Variants in PPM1A observed in about 807,000 individuals in gnomAD.
PPM1A encodes protein phosphatase, Mg2+/Mn2+ dependent 1A, also known as protein phosphatase 1A.
A neutral mutation model predicts 35.0 loss-of-function variants in PPM1A; 7 were observed. That is an observed-to-expected ratio of 0.20 (90% CI 0.11 to 0.38). The LOEUF is 0.38. PPM1A is among the 10% of genes least tolerant of loss of function. The pLI is 1.00. For missense variants in PPM1A, 239 were observed against 467.8 expected, an observed-to-expected ratio of 0.51 and a Z score of 4.51; for synonymous variants, 153 against 167.3, an observed-to-expected ratio of 0.91 and a Z score of 0.66.
chr14:60,286,321 C>T (rs1277058139), intron 3 of PPM1A: 9 of 985,648 alleles, frequency 9.1e-6, no homozygotes, highest in Non-Finnish European at 9.6e-6. Context: ...ATTTCTCCAC[C>T]TGGCAGAAAA....
Position 60,262,471 on chromosome 14 carries a change from C to T in PPM1A, c.-21+12794C>T, listed in dbSNP as rs1033091568. ...AGCCGAGGCGGGAGGATTGCTGAAG[C>T]CCTGGAGTTTGAGACCAGCCAGGGC... is the stretch of plus-strand genomic sequence containing the variant. On this transcript the variant is annotated intron_variant, in intron 1 of 5. Transcript: ENST00000395076. Among the ~76,000 whole-genome samples, 3 of 152,104 alleles carry T rather than the reference C, an allele frequency of 2.0e-5. No individual in the cohort carries two copies. The East Asian group carries it at 5.8e-4, about 29-fold the overall frequency.
intron 2 of PPM1A, among the ~76,000 whole-genome samples, chr14:60,284,189 C>G (rs1210297331): frequency 1.3e-5 from 2 of 152,284 alleles, no homozygotes; most frequent in African/African-American, 4.8e-5. Flanking sequence ...AGCTCAGCCC[C>G]TTTATTTTAC....
chr14:60,273,528 A>G lies in PPM1A; in HGVS notation c.-20-9156A>G, dbSNP rs890154796. 1.3e-5 allele frequency among the ~76,000 whole-genome samples: 2 copies of G among 152,000 alleles called. No individual in the cohort carries two copies. The highest frequency in any genetic ancestry group is 6.6e-5 in the Admixed American group (1 of 15,244). ...AGCCATATTAAGCAGTTATTTATCC[A>G]CCTCCTACCCCCAGCAGTGGAAAGC... On this transcript the variant is annotated intron_variant, in intron 1 of 5. Transcript: ENST00000395076. This position sits in a 1 kb window ranked among gnomAD's most constrained non-coding sequence, Gnocchi z 4.3.
chr14:60,279,908 TTGAG>T (rs757716793), intron 1 of PPM1A, among the ~76,000 whole-genome samples: 13 of 152,286 alleles, frequency 8.5e-5, no homozygotes, highest in African/African-American at 1.4e-4. Flanking sequence ...CTATATTATA[TTGAG>T]TATTTATAAT....
Position 60,288,814 on chromosome 14 carries a change from C to A in PPM1A, c.953-992C>A, listed in dbSNP as rs188352034. On this transcript the variant is annotated intron_variant, in intron 3 of 5. Coordinates refer to ENST00000395076, the MANE Select transcript of PPM1A (RefSeq NM_021003.5). The stretch of plus-strand genomic sequence containing the variant: ...GCCCCACTAATGACAAATAAAATAC[C>A]ATTTCTTACCATAAACATTGAAAAA... Among the ~76,000 whole-genome samples, 656 of 152,020 alleles carry A rather than the reference C, an allele frequency of 4.3e-3. 5 individuals are homozygous for A. Among genetic ancestry groups the A allele is most frequent in the African/African-American group, 0.015 (626 of 41,492 alleles).
upstream of PPM1A, chr14:60,249,113 T>TGCGCGCCGCGCCGCAGCTGTAGCG (rs1881998362): frequency 3.4e-6 from 2 of 592,818 alleles, no homozygotes. The surrounding 1 kb of genome is among the most constrained non-coding windows in gnomAD (Gnocchi z 4.5). Context: ...TCTCTGTAGC[T>TGCGCGCCGCGCCGCAGCTGTAGCG]GCGCGCCGCG....
Position 60,295,764 on chromosome 14 carries a change from T to C in PPM1A, c.*3282T>C, listed in dbSNP as rs1483490841. 6.6e-6 allele frequency: 1 copy of C among 151,572 alleles called. No individual in the cohort carries two copies. The highest frequency in any genetic ancestry group is 1.5e-5 in the Non-Finnish European group (1 of 67,638). The allele number at this position is 151,572 out of a possible 1,614,324, so 9.4% of individuals were successfully genotyped here. On this transcript the variant is annotated 3_prime_UTR_variant, in exon 6 of 6. Transcript: ENST00000395076. The stretch of plus-strand genomic sequence containing the variant: ...TAACTGGATCACTCATCAAAAAATA[T>C]ATATATATATCTATTGCCCACCTGC...
upstream of PPM1A, among the ~76,000 whole-genome samples, chr14:60,247,461 G>C (rs923375964): frequency 1.2e-4 from 18 of 151,572 alleles, 1 homozygote; most frequent in African/African-American, 4.1e-4. Flanking sequence ...AACCCTGTCT[G>C]AACTAAAAAT....
At chr14:60,288,556 T>C in intron 3 of PPM1A, 3 of 981,472 alleles carry the variant, frequency 3.1e-6, no homozygotes, top group Non-Finnish European at 3.6e-6. Context: ...GCAAACCAAA[T>C]CTGAGATCCT....
Position 60,292,426 on chromosome 14 carries a change from T to C in PPM1A, c.1120-27T>C. ...TTGGCACCGCTAAATTTTAACGTTG[T>C]TCCTTATTTTGCTTCCTTTTACAAA... On this transcript the variant is annotated intron_variant, in intron 5 of 5. Coordinates refer to ENST00000395076, the MANE Select transcript of PPM1A (RefSeq NM_021003.5). This position sits in a 1 kb window ranked among gnomAD's most constrained non-coding sequence, Gnocchi z 4.2. 6.4e-7 allele frequency: 1 copy of C among 1,569,380 alleles called. No individual in the cohort carries two copies. The highest frequency in any genetic ancestry group is 8.8e-7 in the Non-Finnish European group (1 of 1,140,864).
intron 1 of PPM1A, among the ~76,000 whole-genome samples, chr14:60,260,522 T>C (rs956594183): frequency 6.6e-6 from 1 of 152,154 alleles, no homozygotes; most frequent in African/African-American, 2.4e-5. Context: ...AGTAATCTTT[T>C]AAAATTGCTT....
chr14:60,266,306 G>T (rs1238038582), intron 1 of PPM1A, among the ~76,000 whole-genome samples: 4 of 152,066 alleles, frequency 2.6e-5, no homozygotes, highest in African/African-American at 9.7e-5. Context: ...ATATATTGCA[G>T]ATGCTTAAAA....
intron 1 of PPM1A, among the ~76,000 whole-genome samples, chr14:60,258,603 C>T (rs1883402310): frequency 1.3e-5 from 2 of 151,760 alleles, no homozygotes; most frequent in Non-Finnish European, 2.9e-5. Flanking sequence ...TTTTAGGGTC[C>T]AATATTTTCT....
chr14:60,279,413 G>A (rs1018143696), intron 1 of PPM1A, among the ~76,000 whole-genome samples: 10 of 152,148 alleles, frequency 6.6e-5, no homozygotes, highest in South Asian at 4.1e-4. Flanking sequence ...CACTGCGCTC[G>A]GCCTATTTTA....
chr14:60,261,439 C>CT (rs1883734793), intron 1 of PPM1A, among the ~76,000 whole-genome samples: 1 of 152,056 alleles, frequency 6.6e-6, no homozygotes, highest in Non-Finnish European at 1.5e-5. Context: ...GGATAGCCCC[C>CT]TTTTTTGATG....
chr14:60,261,415 C>G (rs1883730803), intron 1 of PPM1A, among the ~76,000 whole-genome samples: 1 of 152,086 alleles, frequency 6.6e-6, no homozygotes, highest in Non-Finnish European at 1.5e-5. Flanking sequence ...AGGCATATGT[C>G]AGTGAAGCAC....
At position 60,296,184 on chromosome 14, in the gene PPM1A, CA is replaced by C; in HGVS notation, c.*3705del. On this transcript the variant is annotated 3_prime_UTR_variant, in exon 6 of 6. Transcript: ENST00000395076. This position sits in a 1 kb window ranked among gnomAD's most constrained non-coding sequence, Gnocchi z 4.4. ...TGTAACACACTGCCAGTGTTAATAT[CA>C]AATTTTAGCCAAATTATTACTATGT... is the stretch of plus-strand genomic sequence containing the variant. The C allele has an allele frequency of 6.6e-6, 1 of 151,342 alleles. No individual in the cohort carries two copies. Among genetic ancestry groups the C allele is most frequent in the Non-Finnish European group, 1.5e-5 (1 of 67,392 alleles). 9.4% of individuals were successfully genotyped at this position (151,342 alleles called of 1,614,324 possible).
chr14:60,274,502 A>C (rs1430208963), intron 1 of PPM1A, among the ~76,000 whole-genome samples: 1 of 151,890 alleles, frequency 6.6e-6, no homozygotes, highest in Non-Finnish European at 1.5e-5. Context: ...GTTGATAAAA[A>C]GGAGAAAAAG....
In PPM1A at chr14:60,277,262, T is replaced by C. The variant is rs117037968; in HGVS notation, c.-20-5422T>C. ...ACTGTGTAAACATAGTATTTGCAAGTAAGTACTTTTTGGTATTATATTTAT... is the reference window on the plus strand; with the variant it reads ...ACTGTGTAAACATAGTATTTGCAAGCAAGTACTTTTTGGTATTATATTTAT... On this transcript the variant is annotated intron_variant, in intron 1 of 5. Transcript: ENST00000395076. The C allele has an allele frequency of 8.0e-3, 1,276 of 160,272 alleles. 23 individuals are homozygous for C. The highest frequency in any genetic ancestry group is 0.034 in the East Asian group (182 of 5,288). 9.9% of individuals were successfully genotyped at this position (160,272 alleles called of 1,614,324 possible).
Sources: gnomAD v4.1 joint callset for allele counts (sites outside exome capture counted in the v4.1 genomes callset) on GRCh38, gnomAD v4.1.1 for gene constraint, Gnocchi (gnomAD v3.1) non-coding constraint, MANE v1.5 for transcripts, NCBI Gene and HGNC (gene_info 2026-07-23, HGNC 2026-07-21) for gene names.